Variants in SYT7 observed in about 807,000 individuals in gnomAD.
SYT7 encodes the protein synaptotagmin 7.
In SYT7, 29 loss-of-function variants were observed where a neutral mutation model predicts 75.1. That is an observed-to-expected ratio of 0.39 (90% CI 0.29 to 0.53). The LOEUF (loss-of-function observed/expected upper bound fraction) is 0.53. Ranked by LOEUF, SYT7 falls within the 20% of genes least tolerant of loss-of-function variation. The probability of loss-of-function intolerance (pLI) is 0.77; values close to 1 mark genes in which losing one functional copy is unlikely to be tolerated. For synonymous variants in SYT7, 376 were observed against 401.7 expected (o/e 0.94, Z 0.76); for missense variants, 693 against 953.2 (o/e 0.73, Z 3.59).
chr11:61,581,057 G>C lies in SYT7; in HGVS notation c.-237C>G, dbSNP rs2135480602. 1.7e-6 allele frequency: 1 copy of C among 588,596 alleles called. No homozygotes were observed. Among genetic ancestry groups the C allele is most frequent in the East Asian group, 1.5e-4 (1 of 6,492 alleles). The allele number at this position is 588,596 out of a possible 1,614,324, so 36.5% of individuals were successfully genotyped here. A position where few individuals can be genotyped will look rare whatever the true frequency, so the allele number is the denominator to read the frequency against. ...GAACAGCGCCGAGCCGCCTCCCTCC[G>C]GCCTGCGCGCCGCGTGTGCGCGCCG... On this transcript the variant is annotated 5_prime_UTR_variant, in exon 1 of 13. Coordinates refer to ENST00000539008, the MANE Select transcript of SYT7 (RefSeq NM_001365809.2).
In SYT7 at chr11:61,538,220, G is replaced by A; in HGVS notation, c.988C>T (p.Gln330Ter). ...TCAGGGATATTGGCAAAGTCATCCT[G>A]TTCCGAAAGCCCTAAGACCAAGGAT... ...VLSLVLGLSE[Q>*]DDFANIPDLQ... Residue 330 changes from glutamine (Q) to a stop codon, truncating the protein, a stop_gained, in exon 7 of 13, where the codon CAG (glutamine) becomes TAG (stop). Transcript: ENST00000539008. LOFTEE classifies it high-confidence loss of function. The A allele has an allele frequency of 6.5e-7, 1 of 1,536,040 alleles. No individual in the cohort carries two copies. Among genetic ancestry groups the A allele is most frequent in the Non-Finnish European group, 8.7e-7 (1 of 1,146,878 alleles).
intron 9 of SYT7, among the ~76,000 whole-genome samples, chr11:61,525,494 C>T (rs551099413): frequency 1.0e-3 from 158 of 152,266 alleles, no homozygotes; most frequent in Non-Finnish European, 1.7e-3. Flanking sequence ...CCCATCATGA[C>T]CCCCCTCCTG....
intron 5 of SYT7, among the ~76,000 whole-genome samples, chr11:61,544,372 T>A (rs1310466120): frequency 1.0e-4 from 15 of 148,980 alleles, no homozygotes; most frequent in Admixed American, 1.0e-3. Context: ...AAAGAGAGAG[T>A]GAAAGAGGGA....
At chr11:61,519,922 G>A (rs1441766771) in intron 12 of SYT7, among the ~76,000 whole-genome samples, 1 of 152,204 alleles carries the variant, frequency 6.6e-6, no homozygotes, top group Non-Finnish European at 1.5e-5. Context: ...CCAGGTTCAT[G>A]TGATTTTCCT....
chr11:61,517,299 C>G lies in SYT7; in HGVS notation c.*1328G>C, dbSNP rs2062172576. 1 of 398,660 alleles carries G rather than the reference C, an allele frequency of 2.5e-6. No homozygotes were observed. The highest frequency in any genetic ancestry group is 4.4e-6 in the Non-Finnish European group (1 of 226,100). The allele number at this position is 398,660 out of a possible 1,614,324, so 24.7% of individuals were successfully genotyped here. A position where few individuals can be genotyped will look rare whatever the true frequency, so the allele number is the denominator to read the frequency against. On this transcript the variant is annotated 3_prime_UTR_variant, in exon 13 of 13. Coordinates refer to ENST00000539008, the MANE Select transcript of SYT7 (RefSeq NM_001365809.2). Reference sequence around the variant, plus strand: ...CTCATCAGTGGCCGAGGCAGAGAAACCACAGCTTCTTTGTGTGTGGCAACC... The same window carrying G: ...CTCATCAGTGGCCGAGGCAGAGAAAGCACAGCTTCTTTGTGTGTGGCAACC...
chr11:61,542,716 G>A lies in SYT7; in HGVS notation c.573-137C>T. On this transcript the variant is annotated intron_variant, in intron 5 of 12. Transcript: ENST00000539008. The surrounding 1 kb of genome is among the most constrained non-coding windows in gnomAD (Gnocchi z 7.8). The stretch of plus-strand genomic sequence containing the variant: ...GCCGGACCTCGCCAGGCCTCCATCG[G>A]AGCTGTCGCCACCGCCGTCGCCGCC... 1 of 1,362,290 alleles carries A rather than the reference G, an allele frequency of 7.3e-7. No homozygotes were observed. The highest frequency in any genetic ancestry group is 9.4e-7 in the Non-Finnish European group (1 of 1,059,282). 84.4% of individuals were successfully genotyped at this position (1,362,290 alleles called of 1,614,324 possible).
At chr11:61,527,856 T>C (rs1590837630) in intron 9 of SYT7, 59 bp downstream of exon 9, 1 of 1,586,132 alleles carries the variant, frequency 6.3e-7, no homozygotes, top group East Asian at 2.2e-5. Flanking sequence ...TGTGGTTGGG[T>C]AGGGGGATGG....
At chr11:61,561,625 A>G (rs1237429374) in intron 1 of SYT7, among the ~76,000 whole-genome samples, 3 of 152,174 alleles carry the variant, frequency 2.0e-5, no homozygotes, top group Non-Finnish European at 1.5e-5. Context: ...CTTGTTCACC[A>G]CTGTATTCCC....
At chr11:61,585,516 C>T (rs1590982251), upstream of SYT7, among the ~76,000 whole-genome samples, 2 of 152,138 alleles carry the variant, frequency 1.3e-5, no homozygotes. Flanking sequence ...TCTCCTACCC[C>T]CTAGACTTCC....
At chr11:61,569,982 G>C in intron 1 of SYT7, among the ~76,000 whole-genome samples, 1 of 152,228 alleles carries the variant, frequency 6.6e-6, no homozygotes, top group Non-Finnish European at 1.5e-5. Context: ...GGGGCAGCCA[G>C]CTGACCTCCC....
intron 7 of SYT7, 48 bp from the exon 8 acceptor site, chr11:61,533,172 G>T: frequency 2.0e-6 from 3 of 1,513,494 alleles, no homozygotes; most frequent in Non-Finnish European, 8.8e-7. Flanking sequence ...AGTGAGCTGC[G>T]TTGGGCACCC....
Position 61,527,941 on chromosome 11 carries a change from T to C in SYT7, c.1445A>G (p.His482Arg). 6.2e-7 allele frequency: 1 copy of C among 1,613,986 alleles called. No homozygotes were observed. Among genetic ancestry groups the C allele is most frequent in the Non-Finnish European group, 8.5e-7 (1 of 1,179,984 alleles). The change falls in exon 9 of 13, where the codon CAC (histidine) becomes CGC (arginine). Residue 482 changes from histidine to arginine, a missense_variant. His to Arg is a conservative substitution (Grantham distance 29). Coordinates refer to ENST00000539008, the MANE Select transcript of SYT7 (RefSeq NM_001365809.2). ...TTCAAAGAGGAAGGTCTCGTTCCAG[T>C]GGGGGTTCAGGTTCTTCCGCTTCAC... ...TKVKRKNLNP[H>R]WNETFLFEGF...
Position 61,546,084 on chromosome 11 carries a change from G to T in SYT7, c.519C>A (p.Gly173=). Residue 173 remains glycine, a synonymous_variant, in exon 5 of 13, where the codon GGC becomes GGA. Coordinates refer to ENST00000539008, the MANE Select transcript of SYT7 (RefSeq NM_001365809.2). The surrounding 1 kb of genome is among the most constrained non-coding windows in gnomAD (Gnocchi z 7.6). ...EPGSGGKAGR[G]RWRTVQSHLA... ...GGTGGCTCTGCACCGTCCGCCAGCG[G>T]CCTCTCCCCGCCTTGCCACCGCTGC... 6.5e-7 allele frequency: 1 copy of T among 1,531,584 alleles called. No individual in the cohort carries two copies. Among genetic ancestry groups the T allele is most frequent in the Non-Finnish European group, 8.7e-7 (1 of 1,145,092 alleles). The allele number at this position is 1,531,584 out of a possible 1,614,324, so 94.9% of individuals were successfully genotyped here. A position where few individuals can be genotyped will look rare whatever the true frequency, so the allele number is the denominator to read the frequency against.
In SYT7 at chr11:61,517,834, A is replaced by C; in HGVS notation, c.*793T>G. ...AGATTCTGAGCAGAGGGGGGCACCA[A>C]GGGGAGAAGGGGAGGAGACGGGGGG... On this transcript the variant is annotated 3_prime_UTR_variant, in exon 13 of 13. Coordinates refer to ENST00000539008, the MANE Select transcript of SYT7 (RefSeq NM_001365809.2). 6.3e-5 allele frequency: 14 copies of C among 222,972 alleles called. No individual in the cohort carries two copies. The highest frequency in any genetic ancestry group is 1.0e-4 in the Non-Finnish European group (12 of 115,156). 13.8% of individuals were successfully genotyped at this position (222,972 alleles called of 1,614,324 possible).
chr11:61,532,456 G>A (rs1242689451), intron 8 of SYT7, among the ~76,000 whole-genome samples: 2 of 152,150 alleles, frequency 1.3e-5, no homozygotes, highest in African/African-American at 4.8e-5. Context: ...CCCCATCACA[G>A]CTGTCCCCTC....
At chr11:61,540,564 T>C in intron 6 of SYT7, 1 of 985,538 alleles carries the variant, frequency 1.0e-6, no homozygotes, top group Non-Finnish European at 1.2e-6. Context: ...AGACTTGTCC[T>C]GGGGCACAGA....
intron 1 of SYT7, among the ~76,000 whole-genome samples, chr11:61,569,777 G>C (rs931368389): frequency 2.2e-4 from 33 of 152,246 alleles, no homozygotes; most frequent in African/African-American, 7.9e-4. Flanking sequence ...AGGGGGAGGA[G>C]AGCGGGGGAG....
intron 3 of SYT7, among the ~76,000 whole-genome samples, chr11:61,549,181 A>T (rs1250110617): frequency 1.3e-5 from 2 of 152,036 alleles, no homozygotes; most frequent in Non-Finnish European, 2.9e-5. Flanking sequence ...CCCAGAAAAA[A>T]AATCCACCCA....
intron 2 of SYT7, 108 bp downstream of exon 2, chr11:61,555,996 G>T: frequency 9.8e-7 from 1 of 1,021,238 alleles, no homozygotes; most frequent in Non-Finnish European, 1.5e-6. Context: ...AGTCACCTGT[G>T]TGCACCCTTG....
Sources: gnomAD v4.1 joint callset for allele counts (sites outside exome capture counted in the v4.1 genomes callset) on GRCh38, gnomAD v4.1.1 for gene constraint, Gnocchi (gnomAD v3.1) non-coding constraint, MANE v1.5 for transcripts, NCBI Gene and HGNC (gene_info 2026-07-23, HGNC 2026-07-21) for gene names.